The following PSD3 variants were observed in gnomAD, a reference collection of about 807,000 sequenced individuals.
PSD3 encodes PH and SEC7 domain-containing protein 3.
In PSD3, 49 loss-of-function variants were observed where a neutral mutation model predicts 105.5. The observed-to-expected ratio is 0.46, with a 90% CI of 0.37 to 0.59. PSD3 has a LOEUF of 0.59. PSD3 is among the 20% of genes least tolerant of loss of function. PSD3 has a pLI of 0.00. For missense variants in PSD3, 1,561 were observed against 1,263.8 expected (o/e 1.24, Z -3.57); for synonymous variants, 557 against 457.8 (o/e 1.22, Z -2.77).
rs185867474 is a variant in PSD3 at position 18,879,215 on chromosome 8, G to A, written c.131-6482C>T. Among the ~76,000 whole-genome samples the A allele has an allele frequency of 1.9e-3, 295 of 152,256 alleles. 1 individual carries two copies. The highest frequency in any genetic ancestry group is 6.9e-3 in the African/African-American group (288 of 41,554). ...TTGAAATGTCCCTCAGAAAGGGGCAGCAAATTCAACAATTGTGGGCAAGTG... is the reference window on the plus strand; with the variant it reads ...TTGAAATGTCCCTCAGAAAGGGGCAACAAATTCAACAATTGTGGGCAAGTG... On this transcript the variant is annotated intron_variant, in intron 2 of 15. Transcript: ENST00000327040.
At position 18,805,038 on chromosome 8, in the gene PSD3, A is replaced by T. The variant is rs182455721; in HGVS notation, c.1635-140T>A. On this transcript the variant is annotated intron_variant, in intron 4 of 15. Coordinates refer to ENST00000327040, the MANE Select transcript of PSD3 (RefSeq NM_015310.4). The stretch of plus-strand genomic sequence containing the variant: ...ACTGTATGTTTAAATATTCATAAAA[A>T]TTTTTTCAGTTACCATATTTTAAAG... 336 of 762,858 alleles carry T rather than the reference A, an allele frequency of 4.4e-4. 2 individuals are homozygous for T. Among genetic ancestry groups the T allele is most frequent in the East Asian group, 3.8e-3 (132 of 34,928 alleles). 47.3% of individuals were successfully genotyped at this position (762,858 alleles called of 1,614,324 possible). A position where few individuals can be genotyped will look rare whatever the true frequency, so the allele number is the denominator to read the frequency against.
At chr8:18,671,619 A>C (rs567901974) in intron 9 of PSD3, among the ~76,000 whole-genome samples, 2 of 150,722 alleles carry the variant, frequency 1.3e-5, no homozygotes, top group East Asian at 4.0e-4. Context: ...TCATCTCCTG[A>C]TTTTGTTTTT....
At chr8:18,952,679 A>G (rs567672017) in intron 1 of PSD3, among the ~76,000 whole-genome samples, 1 of 152,336 alleles carries the variant, frequency 6.6e-6, no homozygotes, top group Non-Finnish European at 1.5e-5. Context: ...TCCAGCAAAC[A>G]TATTTGGAAT....
intron 9 of PSD3, among the ~76,000 whole-genome samples, chr8:18,716,311 A>G (rs989251275): frequency 6.6e-6 from 1 of 152,208 alleles, no homozygotes; most frequent in Non-Finnish European, 1.5e-5. Context: ...CCACAACCAG[A>G]ACCTGAGCAG....
At chr8:18,779,195 T>G (rs1458598494) in intron 8 of PSD3, among the ~76,000 whole-genome samples, 1 of 152,194 alleles carries the variant, frequency 6.6e-6, no homozygotes, top group South Asian at 2.1e-4. Context: ...TTTCCTCATG[T>G]CCAGGAATGA....
At chr8:18,877,711 T>G (rs1423277724) in intron 2 of PSD3, among the ~76,000 whole-genome samples, 1 of 147,296 alleles carries the variant, frequency 6.8e-6, no homozygotes, top group African/African-American at 2.5e-5. Flanking sequence ...CTGGACAATT[T>G]TTCATTTTTT....
chr8:18,765,359 CT>C lies in PSD3; in HGVS notation c.2172+89del, dbSNP rs1806889362. 4 of 1,208,496 alleles carry C rather than the reference CT, an allele frequency of 3.3e-6. No individual in the cohort carries two copies. In the Admixed American group the frequency reaches 5.4e-5, roughly 16 times the overall value. The allele number at this position is 1,208,496 out of a possible 1,614,324, so 74.9% of individuals were successfully genotyped here. A position where few individuals can be genotyped will look rare whatever the true frequency, so the allele number is the denominator to read the frequency against. ...AAAACCAAAAGCAAAAAGCAAAATACTTAAGTGATCCTTAGCCTACTTAGGA... is the reference window on the plus strand; with the variant it reads ...AAAACCAAAAGCAAAAAGCAAAATACTAAGTGATCCTTAGCCTACTTAGGA... On this transcript the variant is annotated intron_variant, in intron 9 of 15. Coordinates refer to ENST00000327040, the MANE Select transcript of PSD3 (RefSeq NM_015310.4).
intron 1 of PSD3, among the ~76,000 whole-genome samples, chr8:18,975,055 G>A (rs1824853770): frequency 6.6e-6 from 1 of 152,170 alleles, no homozygotes; most frequent in East Asian, 1.9e-4. Flanking sequence ...CAAGAGGCTG[G>A]CAGAGGTTTC....
chr8:18,611,536 T>G (rs1309274323), intron 11 of PSD3, among the ~76,000 whole-genome samples: 1 of 152,182 alleles, frequency 6.6e-6, no homozygotes, highest in African/African-American at 2.4e-5. Context: ...ACTTTCTTCC[T>G]GTATAAAACA....
intron 9 of PSD3, among the ~76,000 whole-genome samples, chr8:18,659,387 A>T (rs2130866546): frequency 6.6e-6 from 1 of 152,352 alleles, no homozygotes; most frequent in East Asian, 1.9e-4. Flanking sequence ...ACAAAATGGG[A>T]TTTCAGAACT....
chr8:18,826,287 G>A (rs146356128), intron 4 of PSD3, among the ~76,000 whole-genome samples: 211 of 152,244 alleles, frequency 1.4e-3, no homozygotes, highest in African/African-American at 4.8e-3. Flanking sequence ...CTTGGCCTCC[G>A]TAATCACGTG....
intron 11 of PSD3, among the ~76,000 whole-genome samples, chr8:18,619,206 G>T (rs576442687): frequency 7.2e-5 from 11 of 152,198 alleles, no homozygotes; most frequent in South Asian, 2.1e-4. Flanking sequence ...TGCCTGCCAC[G>T]ATGGGATGGA....
At chr8:18,907,920 TC>T (rs1192922759) in intron 2 of PSD3, among the ~76,000 whole-genome samples, 1 of 152,342 alleles carries the variant, frequency 6.6e-6, no homozygotes, top group Admixed American at 6.5e-5. Context: ...ATTTTTATAA[TC>T]TTTTGCACTC....
At chr8:18,895,689 T>G (rs893174726) in intron 2 of PSD3, among the ~76,000 whole-genome samples, 5 of 152,202 alleles carry the variant, frequency 3.3e-5, no homozygotes, top group Non-Finnish European at 7.3e-5. Context: ...AGATAGTAAC[T>G]GCACATATTT....
chr8:18,992,192 C>G (rs917868008), intron 1 of PSD3, among the ~76,000 whole-genome samples: 38 of 152,230 alleles, frequency 2.5e-4, no homozygotes, highest in Non-Finnish European at 4.3e-4. Flanking sequence ...AGACCTCAAA[C>G]TGCAGTTAAT....
intron 3 of PSD3, 119 bp from the exon 4 acceptor site, chr8:18,868,188 T>C (rs1047144890): frequency 8.8e-7 from 1 of 1,142,584 alleles, no homozygotes; most frequent in South Asian, 1.7e-5. Context: ...CATTGACTTA[T>C]ATCTTAACAT....
At chr8:19,054,761 C>T (rs1212226225) in intron 1 of PSD3, among the ~76,000 whole-genome samples, 1 of 152,136 alleles carries the variant, frequency 6.6e-6, no homozygotes, top group African/African-American at 2.4e-5. Context: ...AAATTTATCG[C>T]TTGATAACAT....
intron 12 of PSD3, among the ~76,000 whole-genome samples, chr8:18,575,868 G>A (rs958379082): frequency 2.0e-5 from 3 of 151,378 alleles, no homozygotes; most frequent in African/African-American, 7.3e-5. Flanking sequence ...ATAATCAGGT[G>A]AAAGCTTAGC....
intron 4 of PSD3, among the ~76,000 whole-genome samples, chr8:18,862,956 G>A (rs952875232): frequency 4.0e-5 from 6 of 151,392 alleles, no homozygotes; most frequent in African/African-American, 7.3e-5. Flanking sequence ...AGACTGAAGC[G>A]CTTCCCTCAG....
Sources: gnomAD v4.1 joint callset for allele counts (sites outside exome capture counted in the v4.1 genomes callset) on GRCh38, gnomAD v4.1.1 for gene constraint, MANE v1.5 for transcripts, NCBI Gene and HGNC (gene_info 2026-07-23, HGNC 2026-07-21) for gene names.